Variants in NELL2 observed in about 807,000 individuals in gnomAD.
The protein encoded by NELL2 is protein kinase C-binding protein NELL2.
A neutral mutation model predicts 109.6 loss-of-function variants in NELL2; 41 were observed. That is an observed-to-expected ratio of 0.37 (90% CI 0.29 to 0.49). The LOEUF is 0.49. NELL2 is among the 20% of genes least tolerant of loss of function. The pLI is 0.98. For missense variants in NELL2, 900 were observed against 1,008.3 expected (o/e 0.89, Z 1.45); for synonymous variants, 355 against 344.7 (o/e 1.03, Z -0.33).
intron 3 of NELL2, among the ~76,000 whole-genome samples, chr12:44,806,620 TC>T (rs1253758388): frequency 6.6e-6 from 1 of 151,846 alleles, no homozygotes; most frequent in Non-Finnish European, 1.5e-5. Context: ...ATAGTCAAGG[TC>T]CATTCTAATT....
At chr12:44,519,548 G>A (rs1316515785) in intron 19 of NELL2, among the ~76,000 whole-genome samples, 1 of 152,112 alleles carries the variant, frequency 6.6e-6, no homozygotes, top group Non-Finnish European at 1.5e-5. Flanking sequence ...CAAGAAATAT[G>A]CCCATCTTTG....
rs12099537 is a variant in NELL2 at position 44,900,888 on chromosome 12, C to T, written c.38+12911G>A. Among the ~76,000 whole-genome samples, 738 of 152,160 alleles carry T rather than the reference C, an allele frequency of 4.9e-3. 6 individuals are homozygous for T. Among genetic ancestry groups the T allele is most frequent in the African/African-American group, 0.017 (695 of 41,520 alleles). ...GCTGTAGTCCCAGCTACTCAAGAGGCTGAGGCAGGACAATTGCTTAAACCC... is the reference window on the plus strand; with the variant it reads ...GCTGTAGTCCCAGCTACTCAAGAGGTTGAGGCAGGACAATTGCTTAAACCC... On this transcript the variant is annotated intron_variant, in intron 1 of 20. Coordinates refer to the NELL2 transcript ENST00000333837.
chr12:44,693,808 T>C (rs1444650471), intron 12 of NELL2, among the ~76,000 whole-genome samples: 1 of 152,198 alleles, frequency 6.6e-6, no homozygotes. Context: ...AATTCTTTAA[T>C]TGAAGAAGGA....
intron 16 of NELL2, among the ~76,000 whole-genome samples, chr12:44,532,364 A>C (rs146566326): frequency 4.9e-4 from 74 of 152,326 alleles, no homozygotes; most frequent in African/African-American, 1.7e-3. Flanking sequence ...AATCCACAGA[A>C]AACTGGGTTA....
chr12:44,878,974 G>C (rs73281087), upstream of NELL2, among the ~76,000 whole-genome samples: 6 of 152,124 alleles, frequency 3.9e-5, no homozygotes, highest in African/African-American at 1.4e-4. Context: ...TGTTAATCAG[G>C]TAACCTTAAA....
intron 15 of NELL2, among the ~76,000 whole-genome samples, chr12:44,604,191 GAAGA>G (rs2136242557): frequency 6.6e-6 from 1 of 151,878 alleles, no homozygotes; most frequent in South Asian, 2.1e-4. Context: ...AGGAAGAAAA[GAAGA>G]AAGAGAAGGA....
At chr12:44,634,681 T>A (rs1332357413) in intron 13 of NELL2, among the ~76,000 whole-genome samples, 2 of 152,236 alleles carry the variant, frequency 1.3e-5, no homozygotes, top group African/African-American at 4.8e-5. Context: ...CCTTTGGGTA[T>A]ATACCCAGTA....
intron 15 of NELL2, among the ~76,000 whole-genome samples, chr12:44,558,625 G>A (rs1012591728): frequency 2.0e-5 from 3 of 152,176 alleles, no homozygotes; most frequent in African/African-American, 4.8e-5. Context: ...TGTGCCATGA[G>A]GAAGGGTGCA....
chr12:44,766,717 A>C (rs528833755), intron 9 of NELL2, among the ~76,000 whole-genome samples: 5 of 152,316 alleles, frequency 3.3e-5, no homozygotes, highest in South Asian at 4.1e-4. Flanking sequence ...GCCTTATGAT[A>C]CTAAGAAGGA....
intron 13 of NELL2, among the ~76,000 whole-genome samples, chr12:44,628,926 G>T (rs1294040543): frequency 6.6e-6 from 1 of 152,108 alleles, no homozygotes; most frequent in Non-Finnish European, 1.5e-5. Flanking sequence ...AATTTTAGAG[G>T]TCTTGAGACT....
At chr12:44,563,074 C>G (rs1943527512) in intron 15 of NELL2, among the ~76,000 whole-genome samples, 1 of 152,066 alleles carries the variant, frequency 6.6e-6, no homozygotes, top group Non-Finnish European at 1.5e-5. Flanking sequence ...GAACAGAAAA[C>G]AAAACACCAC....
chr12:44,600,667 G>C (rs1162480830), intron 15 of NELL2, among the ~76,000 whole-genome samples: 1 of 152,186 alleles, frequency 6.6e-6, no homozygotes, highest in East Asian at 1.9e-4. Flanking sequence ...TTGACACCCA[G>C]ACTTTTACAA....
At position 44,739,746 on chromosome 12, in the gene NELL2, C is replaced by G. The variant is rs1160225212; in HGVS notation, c.995-25005G>C. On this transcript the variant is annotated intron_variant, in intron 9 of 19. Transcript: ENST00000429094. ...TCTCTAATAAAAATACAAAAATTAGCTGGGTGTGGTGGCAGGCACCTGTAA... is the reference window on the plus strand; with the variant it reads ...TCTCTAATAAAAATACAAAAATTAGGTGGGTGTGGTGGCAGGCACCTGTAA... Among the ~76,000 whole-genome samples, 6 of 152,134 alleles carry G rather than the reference C, an allele frequency of 3.9e-5. No individual in the cohort carries two copies. In the South Asian group the frequency reaches 1.2e-3, roughly 32 times the overall value.
intron 12 of NELL2, among the ~76,000 whole-genome samples, chr12:44,701,291 A>T (rs1165444509): frequency 2.6e-5 from 4 of 152,122 alleles, no homozygotes; most frequent in Non-Finnish European, 4.4e-5. Flanking sequence ...CTTGAATTTG[A>T]TGATATATGT....
At chr12:44,767,912 C>T (rs904279268) in intron 9 of NELL2, among the ~76,000 whole-genome samples, 1 of 152,056 alleles carries the variant, frequency 6.6e-6, no homozygotes, top group South Asian at 2.1e-4. Context: ...GCATGGTTTG[C>T]AGATTTATTA....
intron 3 of NELL2, 40 bp downstream of exon 3, chr12:44,815,946 A>T (rs1313326148): frequency 1.3e-6 from 2 of 1,582,694 alleles, no homozygotes; most frequent in Non-Finnish European, 1.7e-6. Flanking sequence ...ATTTAACCAC[A>T]TATAATGAAA....
chr12:44,684,971 C>T (rs968466507), intron 12 of NELL2, among the ~76,000 whole-genome samples: 5 of 151,992 alleles, frequency 3.3e-5, no homozygotes, highest in African/African-American at 7.3e-5. Context: ...CCTGGGTATC[C>T]TTGTTGACTT....
At chr12:44,775,850 T>C (rs1424693809) in intron 8 of NELL2, among the ~76,000 whole-genome samples, 172 bp downstream of exon 8, 1 of 152,240 alleles carries the variant, frequency 6.6e-6, no homozygotes, top group East Asian at 1.9e-4. Context: ...AGCTAGAAAG[T>C]GTTTTTAATA....
intron 1 of NELL2, among the ~76,000 whole-genome samples, chr12:44,890,499 T>C (rs567385108): frequency 6.6e-6 from 1 of 152,202 alleles, no homozygotes; most frequent in African/African-American, 2.4e-5. Flanking sequence ...ATTCAAGAGG[T>C]ATTTGTGGAG....
Sources: allele counts gnomAD v4.1 joint callset (sites outside exome capture counted in the v4.1 genomes callset), GRCh38; gene constraint gnomAD v4.1.1; transcripts MANE v1.5; gene names NCBI Gene and HGNC (gene_info 2026-07-23, HGNC 2026-07-21).